ASXL1: variants seen among roughly 807,000 people sequenced by gnomAD.
The protein encoded by ASXL1 is ASXL transcriptional regulator 1, also known as polycomb group protein ASXL1.
In ASXL1, 65 loss-of-function variants were observed where a neutral mutation model predicts 89.1. That is an observed-to-expected ratio of 0.73 (90% CI 0.60 to 0.90). The LOEUF is 0.90. Among genes scored for constraint, ASXL1 ranks in the 40% least tolerant of loss-of-function variants. The probability of loss-of-function intolerance (pLI) is 0.00; values close to 1 mark genes in which losing one functional copy is unlikely to be tolerated. For missense variants in ASXL1, 1,786 were observed against 1,942.9 expected, an observed-to-expected ratio of 0.92 and a Z score of 1.52; for synonymous variants, 739 against 746.9, an observed-to-expected ratio of 0.99 and a Z score of 0.17.
chr20:32,404,354 A>G (rs947427667), intron 4 of ASXL1, among the ~76,000 whole-genome samples: 1 of 152,148 alleles, frequency 6.6e-6, no homozygotes, highest in African/African-American at 2.4e-5. Context: ...TAGCATGCAT[A>G]TTTTGTACAG....
chr20:32,428,046 A>G, intron 4 of ASXL1, 82 bp from the exon 5 acceptor site: 1 of 1,589,898 alleles, frequency 6.3e-7, no homozygotes, highest in Non-Finnish European at 8.6e-7. Flanking sequence ...TCTTTTTCAA[A>G]AGCATACACA....
chr20:32,421,633 A>G (rs1414603634), intron 4 of ASXL1, among the ~76,000 whole-genome samples: 1 of 152,224 alleles, frequency 6.6e-6, no homozygotes, highest in Admixed American at 6.5e-5. Flanking sequence ...AAGAGAGAAT[A>G]TACAAATGGT....
At chr20:32,367,667 T>A in intron 2 of ASXL1, 60 bp from the exon 3 acceptor site, 1 of 779,874 alleles carries the variant, frequency 1.3e-6, no homozygotes, top group Non-Finnish European at 2.4e-6. Context: ...ATTTTTGTTT[T>A]TATGGGCTAT....
intron 10 of ASXL1, 61 bp downstream of exon 10, chr20:32,431,740 C>T: frequency 1.3e-6 from 2 of 1,545,092 alleles, no homozygotes; most frequent in East Asian, 4.5e-5. Context: ...TGTTGCATGT[C>T]TCCTGGTATT....
At chr20:32,426,554 CTTTTTTTTTTT>C (rs1177815042) in intron 4 of ASXL1, among the ~76,000 whole-genome samples, 6 of 83,954 alleles carry the variant, frequency 7.1e-5, no homozygotes, top group African/African-American at 2.7e-4. Flanking sequence ...TTTTTTCTTT[CTTTTTTTTTTT>C]TTTTTTTTTT....
intron 4 of ASXL1, among the ~76,000 whole-genome samples, chr20:32,390,813 C>A (rs769160918): frequency 2.6e-5 from 4 of 152,180 alleles, no homozygotes; most frequent in Admixed American, 6.5e-5. Context: ...TTATATAACA[C>A]TTTGAGTCTG....
In ASXL1 at chr20:32,433,732, C is replaced by T. The variant is rs757832294; in HGVS notation, c.1534C>T (p.Gln512Ter). Reference sequence around the variant, plus strand: ...TCCAGACAGAATTCCTAGCCTGCCTCAGGAAACTGTGGATCAGGAACCCAA... The same window carrying T: ...TCCAGACAGAATTCCTAGCCTGCCTTAGGAAACTGTGGATCAGGAACCCAA... ...ASPDRIPSLP[Q>*]ETVDQEPKDQ... Residue 512 changes from glutamine (Q) to a stop codon, truncating the protein, a stop_gained, in exon 12 of 13, where the codon CAG becomes TAG. Coordinates refer to ENST00000375687, the MANE Select transcript of ASXL1 (RefSeq NM_015338.6). LOFTEE classifies it high-confidence loss of function. The T allele has an allele frequency of 1.4e-5, 22 of 1,613,470 alleles. No individual in the cohort carries two copies. The highest frequency in any genetic ancestry group is 1.8e-5 in the Non-Finnish European group (21 of 1,179,610).
At chr20:32,368,411 T>A (rs970241683) in intron 3 of ASXL1, among the ~76,000 whole-genome samples, 2 of 152,162 alleles carry the variant, frequency 1.3e-5, no homozygotes, top group African/African-American at 4.8e-5. Context: ...TGACTTACTT[T>A]TTGCATTTAG....
chr20:32,367,496 G>T (rs985111938), intron 2 of ASXL1, among the ~76,000 whole-genome samples: 2 of 152,208 alleles, frequency 1.3e-5, no homozygotes, highest in African/African-American at 2.4e-5. Flanking sequence ...GTCAAACTTA[G>T]CTGCTTTAAT....
In ASXL1 at chr20:32,429,316, T is replaced by C. The variant is rs4911230; in HGVS notation, c.472-22T>C. On this transcript the variant is annotated intron_variant, in intron 6 of 12. Transcript: ENST00000375687. This position sits in a 1 kb window ranked among gnomAD's most constrained non-coding sequence, Gnocchi z 4.9. ...GCTCTGCAGTTGACTTGGGCTCTCT[T>C]TTGTTCTCTCTTGGAACGCAGGCGA... is the stretch of plus-strand genomic sequence containing the variant. The C allele has an allele frequency of 0.036, 57,716 of 1,612,504 alleles. 1,215 individuals are homozygous for C. The highest frequency in any genetic ancestry group is 0.041 in the Non-Finnish European group (48,763 of 1,178,910).
intron 4 of ASXL1, among the ~76,000 whole-genome samples, chr20:32,388,240 T>C (rs2048613320): frequency 6.6e-6 from 1 of 152,188 alleles, no homozygotes; most frequent in Non-Finnish European, 1.5e-5. Flanking sequence ...GGTGGCTTGA[T>C]CTTGGCTCAC....
chr20:32,363,247 T>G (rs908391061), intron 1 of ASXL1, among the ~76,000 whole-genome samples: 1 of 149,096 alleles, frequency 6.7e-6, no homozygotes, highest in African/African-American at 2.4e-5. Flanking sequence ...TAGTTACTAT[T>G]TGAGTCATGC....
intron 4 of ASXL1, chr20:32,372,503 A>G (rs1374393818): frequency 1.4e-6 from 1 of 736,762 alleles, no homozygotes; most frequent in Non-Finnish European, 1.7e-6. Flanking sequence ...TTAATTACCC[A>G]CAGTACTAGG....
intron 4 of ASXL1, chr20:32,372,352 T>C (rs766338552): frequency 2.6e-6 from 3 of 1,156,866 alleles, no homozygotes; most frequent in Non-Finnish European, 3.2e-6. Flanking sequence ...TTATCCTTCA[T>C]AGTATCTTGT....
chr20:32,405,071 T>C (rs569828673), intron 4 of ASXL1, among the ~76,000 whole-genome samples: 140 of 152,300 alleles, frequency 9.2e-4, no homozygotes, highest in African/African-American at 3.3e-3. Context: ...CTAAGTACAG[T>C]ACAAAGAACT....
rs537419440 is a variant in ASXL1, at chr20:32,429,580, A to G, written c.565+149A>G. 67 of 866,826 alleles carry G rather than the reference A, an allele frequency of 7.7e-5. No individual in the cohort carries two copies. The African/African-American group carries it at 9.7e-4, about 13-fold the overall frequency. The allele number at this position is 866,826 out of a possible 1,614,324, so 53.7% of individuals were successfully genotyped here. ...CCTGCCAATGGATGAGGCCTGCCAT[A>G]GGTTCTAGTGCTGGGCTCTGCTGTG... On this transcript the variant is annotated intron_variant, in intron 7 of 12. Coordinates refer to ENST00000375687, the MANE Select transcript of ASXL1 (RefSeq NM_015338.6). The surrounding 1 kb of genome is among the most constrained non-coding windows in gnomAD (Gnocchi z 4.9).
At chr20:32,397,876 G>A (rs978951115) in intron 4 of ASXL1, among the ~76,000 whole-genome samples, 6 of 152,212 alleles carry the variant, frequency 3.9e-5, no homozygotes, top group African/African-American at 1.2e-4. Context: ...CTTGGCTCAC[G>A]CCTGTAATGT....
At chr20:32,386,855 C>T (rs539010058) in intron 4 of ASXL1, among the ~76,000 whole-genome samples, 19 of 143,578 alleles carry the variant, frequency 1.3e-4, no homozygotes, top group African/African-American at 4.7e-4. Context: ...CGATTATGTA[C>T]CTTGATGTGG....
intron 1 of ASXL1, chr20:32,359,499 C>G: frequency 3.1e-6 from 2 of 650,178 alleles, no homozygotes; most frequent in Non-Finnish European, 5.6e-6. Flanking sequence ...GCCTGGGAAT[C>G]TGCGCTTTCA....
Sources: allele counts gnomAD v4.1 joint callset (sites outside exome capture counted in the v4.1 genomes callset), GRCh38; gene constraint gnomAD v4.1.1; non-coding constraint Gnocchi (gnomAD v3.1); transcripts MANE v1.5; gene names NCBI Gene and HGNC (gene_info 2026-07-23, HGNC 2026-07-21).